Variants in MAGI2 observed in about 807,000 individuals in gnomAD.
The protein encoded by MAGI2 is membrane associated guanylate kinase, WW and PDZ domain containing 2.
In MAGI2, 35 loss-of-function variants were observed where a neutral mutation model predicts 133.3. The ratio of observed to expected loss-of-function variants is 0.26; its 90% confidence interval spans 0.20 to 0.35. The LOEUF is 0.35. Among genes scored for constraint, MAGI2 ranks in the 10% least tolerant of loss-of-function variants. The pLI is 1.00. For missense variants in MAGI2, 1,636 were observed against 1,863.4 expected (o/e 0.88, Z 2.25); for synonymous variants, 729 against 710.6 (o/e 1.03, Z -0.41).
intron 2 of MAGI2, among the ~76,000 whole-genome samples, chr7:78,724,599 T>C (rs936665093): frequency 1.3e-5 from 2 of 152,174 alleles, no homozygotes; most frequent in African/African-American, 2.4e-5. Context: ...TTAGTTCTAT[T>C]GCTCCTGTTG....
intron 4 of MAGI2, chr7:78,518,545 T>C (rs1255135028): frequency 6.6e-6 from 1 of 152,230 alleles, no homozygotes; most frequent in African/African-American, 2.4e-5. Context: ...ATTATTTTAT[T>C]GCTTATTACT....
intron 10 of MAGI2, among the ~76,000 whole-genome samples, chr7:78,231,039 C>G (rs762296611): frequency 6.6e-6 from 1 of 152,148 alleles, no homozygotes; most frequent in African/African-American, 2.4e-5. Flanking sequence ...ATTCAAGGGT[C>G]AGGCTTCATG....
chr7:78,494,933 A>T (rs1297720196), intron 5 of MAGI2, among the ~76,000 whole-genome samples: 1 of 152,190 alleles, frequency 6.6e-6, no homozygotes, highest in East Asian at 1.9e-4. Context: ...ATAACAAGAG[A>T]TTAAAGCCAA....
At chr7:78,962,877 C>T (rs914955438) in intron 2 of MAGI2, among the ~76,000 whole-genome samples, 3 of 151,920 alleles carry the variant, frequency 2.0e-5, no homozygotes, top group Non-Finnish European at 4.4e-5. Context: ...CCTTCAAACA[C>T]TAATAATGAG....
intron 3 of MAGI2, among the ~76,000 whole-genome samples, chr7:78,539,631 C>T (rs1798246477): frequency 6.6e-6 from 1 of 152,124 alleles, no homozygotes; most frequent in Non-Finnish European, 1.5e-5. Context: ...AAATTTCCAT[C>T]TTGAATCAAT....
At chr7:78,766,966 T>C (rs1825090680) in intron 2 of MAGI2, among the ~76,000 whole-genome samples, 2 of 151,022 alleles carry the variant, frequency 1.3e-5, no homozygotes, top group African/African-American at 4.9e-5. Flanking sequence ...AACGCTTACG[T>C]TGAGAATTCA....
chr7:78,478,421 A>G (rs1792007187), intron 6 of MAGI2, among the ~76,000 whole-genome samples: 1 of 151,884 alleles, frequency 6.6e-6, no homozygotes, highest in African/African-American at 2.4e-5. Context: ...TCCAAGCCTC[A>G]TTTTCTATTT....
chr7:78,377,625 C>A (rs973105671), intron 6 of MAGI2, among the ~76,000 whole-genome samples: 1 of 103,696 alleles, frequency 9.6e-6, no homozygotes, highest in Non-Finnish European at 1.9e-5. Flanking sequence ...ATAAGACACA[C>A]CAACTACTCT....
chr7:79,052,446 G>A (rs539765640), intron 1 of MAGI2, among the ~76,000 whole-genome samples: 50 of 152,268 alleles, frequency 3.3e-4, no homozygotes, highest in African/African-American at 8.9e-4. Flanking sequence ...TGCATGGGTC[G>A]CACACCCATG....
Position 79,101,005 on chromosome 7 carries a change from C to T in MAGI2, c.302-93799G>A, listed in dbSNP as rs537498871. ...TGTTACATTGATTTTATGTCTAACC[C>T]TGCAACCACAGTTTTAATGGGGGTT... is the stretch of plus-strand genomic sequence containing the variant. On this transcript the variant is annotated intron_variant, in intron 1 of 21. Transcript: ENST00000354212. Among the ~76,000 whole-genome samples the T allele has an allele frequency of 5.3e-5, 8 of 152,028 alleles. No homozygotes were observed. The South Asian group carries it at 1.5e-3, about 28-fold the overall frequency.
At chr7:79,260,148 G>A (rs559103967) in intron 1 of MAGI2, among the ~76,000 whole-genome samples, 78 of 152,286 alleles carry the variant, frequency 5.1e-4, no homozygotes, top group South Asian at 2.9e-3. Flanking sequence ...GAACTCAGGA[G>A]TTTGATACCA....
chr7:78,921,841 C>A (rs1308488651), intron 2 of MAGI2, among the ~76,000 whole-genome samples: 3 of 152,050 alleles, frequency 2.0e-5, no homozygotes, highest in Non-Finnish European at 2.9e-5. Context: ...CCATGTTGGC[C>A]AGGCTGGTCT....
At chr7:78,248,385 C>T (rs798359) in intron 10 of MAGI2, among the ~76,000 whole-genome samples, 30,818 of 152,040 alleles carry the variant, frequency 0.2, 4,215 homozygotes, top group East Asian at 0.37. Context: ...CTACTATGAA[C>T]CATTAACAAA....
At chr7:79,326,660 A>ATTTT (rs11461411) in intron 1 of MAGI2, among the ~76,000 whole-genome samples, 1 of 148,850 alleles carries the variant, frequency 6.7e-6, no homozygotes, top group African/African-American at 2.5e-5. Flanking sequence ...TCAGTGATAC[A>ATTTT]TTTTTTTTTT....
intron 1 of MAGI2, among the ~76,000 whole-genome samples, chr7:79,173,773 T>C (rs1011636803): frequency 2.0e-5 from 3 of 152,152 alleles, no homozygotes; most frequent in Admixed American, 6.6e-5. Flanking sequence ...TACCATATTA[T>C]AAAGCTGAAG....
At chr7:78,655,416 AAAC>A (rs1166572280) in intron 2 of MAGI2, among the ~76,000 whole-genome samples, 1 of 149,020 alleles carries the variant, frequency 6.7e-6, no homozygotes, top group Non-Finnish European at 1.5e-5. Context: ...AAACAAAACA[AAAC>A]AAAACAAAAC....
intron 6 of MAGI2, among the ~76,000 whole-genome samples, chr7:78,380,255 G>C (rs1794802002): frequency 2.0e-5 from 3 of 151,694 alleles, no homozygotes; most frequent in African/African-American, 7.3e-5. Context: ...GCTAGCTTAA[G>C]ATTAAAAAGA....
chr7:78,287,265 T>C (rs146693991), intron 9 of MAGI2, among the ~76,000 whole-genome samples: 13 of 152,278 alleles, frequency 8.5e-5, no homozygotes, highest in Admixed American at 7.2e-4. Flanking sequence ...CAAGGTTTAT[T>C]AAATGTGGAG....
At chr7:78,813,561 G>A (rs1371233870) in intron 2 of MAGI2, among the ~76,000 whole-genome samples, 5 of 152,006 alleles carry the variant, frequency 3.3e-5, no homozygotes, top group Non-Finnish European at 7.4e-5. Flanking sequence ...CGAGACGGGC[G>A]GATCACGAGG....
Sources: allele counts gnomAD v4.1 joint callset (sites outside exome capture counted in the v4.1 genomes callset), GRCh38; gene constraint gnomAD v4.1.1; transcripts MANE v1.5; gene names NCBI Gene and HGNC (gene_info 2026-07-23, HGNC 2026-07-21).